Variants in GRID2 observed in about 807,000 individuals in gnomAD.
The protein encoded by GRID2 is glutamate receptor ionotropic, delta-2.
In GRID2, 33 loss-of-function variants were observed where a neutral mutation model predicts 114.8. The ratio of observed to expected loss-of-function variants is 0.29; its 90% CI spans 0.22 to 0.38. GRID2 has a LOEUF of 0.38. Among genes scored for constraint, GRID2 ranks in the 10% least tolerant of loss-of-function variants. GRID2 has a pLI of 1.00. For missense variants in GRID2, 1,184 were observed against 1,257.7 expected, an observed-to-expected ratio of 0.94 and a Z score of 0.89; for synonymous variants, 505 against 449.9, an observed-to-expected ratio of 1.12 and a Z score of -1.55.
chr4:93,772,846 A>G lies in GRID2; in HGVS notation c.*348A>G, dbSNP rs1442048786. ...AGTATATGCAGGATTAATTTTACATAAAGGCCTCTTCTGTAACATTTCTCT... is the reference window on the plus strand; with the variant it reads ...AGTATATGCAGGATTAATTTTACATGAAGGCCTCTTCTGTAACATTTCTCT... On this transcript the variant is annotated 3_prime_UTR_variant, in exon 16 of 16. Transcript: ENST00000282020. The G allele has an allele frequency of 9.8e-6, 2 of 204,502 alleles. No homozygotes were observed. The highest frequency in any genetic ancestry group is 4.6e-5 in the African/African-American group (2 of 43,438). The allele number at this position is 204,502 out of a possible 1,614,324, so 12.7% of individuals were successfully genotyped here.
chr4:92,656,688 T>A (rs2149265995), intron 2 of GRID2, among the ~76,000 whole-genome samples: 1 of 151,898 alleles, frequency 6.6e-6, no homozygotes, highest in African/African-American at 2.4e-5. Flanking sequence ...TGGAAGGCAA[T>A]TTCCTGTGAG....
At chr4:92,857,161 T>A (rs1487417612) in intron 2 of GRID2, among the ~76,000 whole-genome samples, 2 of 152,134 alleles carry the variant, frequency 1.3e-5, no homozygotes, top group African/African-American at 2.4e-5. Context: ...GCCTTCCTAT[T>A]TCTTGAGACA....
At chr4:93,071,041 A>G (rs1728763442) in intron 2 of GRID2, among the ~76,000 whole-genome samples, 1 of 152,114 alleles carries the variant, frequency 6.6e-6, no homozygotes, top group Non-Finnish European at 1.5e-5. Flanking sequence ...TAGTCTTATT[A>G]CAAAAGAATA....
intron 1 of GRID2, among the ~76,000 whole-genome samples, chr4:92,455,700 G>C (rs1579395894): frequency 6.6e-6 from 1 of 152,156 alleles, no homozygotes; most frequent in East Asian, 1.9e-4. Flanking sequence ...GTGGTGGGCA[G>C]TGAGGCACGA....
chr4:92,761,497 C>G (rs531954393), intron 2 of GRID2, among the ~76,000 whole-genome samples: 32 of 152,144 alleles, frequency 2.1e-4, no homozygotes, highest in African/African-American at 7.2e-4. Flanking sequence ...GTGGTTTAGC[C>G]CATGGCCTCA....
intron 2 of GRID2, among the ~76,000 whole-genome samples, chr4:92,598,613 A>C (rs1173338008): frequency 6.6e-6 from 1 of 152,050 alleles, no homozygotes; most frequent in African/African-American, 2.4e-5. Context: ...TCTATGTCTT[A>C]TTATCTGTGG....
At chr4:93,106,341 C>A (rs1347046460) in intron 3 of GRID2, among the ~76,000 whole-genome samples, 1 of 152,096 alleles carries the variant, frequency 6.6e-6, no homozygotes, top group Non-Finnish European at 1.5e-5. Flanking sequence ...CAAAGGCTTA[C>A]TCTCTTTTAT....
At chr4:92,437,241 G>GA (rs962945978) in intron 1 of GRID2, among the ~76,000 whole-genome samples, 2 of 151,778 alleles carry the variant, frequency 1.3e-5, no homozygotes, top group Admixed American at 1.3e-4. Context: ...CGAATGATTG[G>GA]AAAAAAAATG....
intron 1 of GRID2, among the ~76,000 whole-genome samples, chr4:93,785,280 A>T (rs993387108): frequency 3.3e-5 from 5 of 152,218 alleles, no homozygotes; most frequent in African/African-American, 1.2e-4. Context: ...TTTGCAATCT[A>T]CTGGGGAAGA....
chr4:92,697,706 GA>G (rs983847236), intron 2 of GRID2, among the ~76,000 whole-genome samples: 1 of 151,942 alleles, frequency 6.6e-6, no homozygotes, highest in Non-Finnish European at 1.5e-5. Context: ...CAAAAAAATA[GA>G]AAAAAAGACT....
intron 2 of GRID2, among the ~76,000 whole-genome samples, chr4:92,612,755 ACT>A (rs1404560246): frequency 6.6e-6 from 1 of 150,832 alleles, no homozygotes; most frequent in Non-Finnish European, 1.5e-5. Context: ...TAATGAATAA[ACT>A]CTATTTTTTG....
In GRID2 at chr4:93,325,208, G is replaced by C. The variant is rs7665264; in HGVS notation, c.1246-70399G>C. Among the ~76,000 whole-genome samples, 5 of 151,988 alleles carry C rather than the reference G, an allele frequency of 3.3e-5. No homozygotes were observed. The East Asian group carries it at 9.7e-4, about 29-fold the overall frequency. On this transcript the variant is annotated intron_variant, in intron 8 of 15. Coordinates refer to ENST00000282020, the MANE Select transcript of GRID2 (RefSeq NM_001510.4). ...AATTTCCTTCTACACACTGCTTTAAGTGTGTCCCAGAGATTCTGGTATGTT... is the reference window on the plus strand; with the variant it reads ...AATTTCCTTCTACACACTGCTTTAACTGTGTCCCAGAGATTCTGGTATGTT...
chr4:92,965,611 G>C (rs898940634), intron 2 of GRID2, among the ~76,000 whole-genome samples: 1 of 151,562 alleles, frequency 6.6e-6, no homozygotes, highest in Non-Finnish European at 1.5e-5. Flanking sequence ...TTCTATTATG[G>C]GTCTAAGAAG....
At chr4:93,793,000 A>G (rs1734725711) in intron 1 of GRID2, among the ~76,000 whole-genome samples, 1 of 152,224 alleles carries the variant, frequency 6.6e-6, no homozygotes, top group Non-Finnish European at 1.5e-5. Flanking sequence ...CAGTTTAGCC[A>G]TAGTCCTTTA....
intron 14 of GRID2, among the ~76,000 whole-genome samples, chr4:93,722,532 T>TC (rs1013387476): frequency 6.6e-6 from 1 of 152,024 alleles, no homozygotes; most frequent in African/African-American, 2.4e-5. Flanking sequence ...AATCTTTGTG[T>TC]CCCCCCAAAA....
intron 14 of GRID2, among the ~76,000 whole-genome samples, chr4:93,681,266 A>C (rs1401981478): frequency 6.6e-6 from 1 of 151,570 alleles, no homozygotes; most frequent in Admixed American, 6.6e-5. Context: ...CCACTGCTCA[A>C]GGAAATAAAA....
chr4:93,385,981 AT>A (rs1764277423), intron 8 of GRID2, among the ~76,000 whole-genome samples: 1 of 152,182 alleles, frequency 6.6e-6, no homozygotes, highest in Non-Finnish European at 1.5e-5. Flanking sequence ...TTAGATATAA[AT>A]TTTTGAGCTC....
intron 1 of GRID2, among the ~76,000 whole-genome samples, chr4:92,428,377 T>C (rs1378134542): frequency 6.6e-6 from 1 of 152,290 alleles, no homozygotes; most frequent in African/African-American, 2.4e-5. Context: ...TTAATTCTTA[T>C]TCTTTTGTTT....
intron 1 of GRID2, among the ~76,000 whole-genome samples, chr4:92,492,784 C>T (rs1223680073): frequency 1.3e-5 from 2 of 151,960 alleles, no homozygotes; most frequent in Non-Finnish European, 1.5e-5. Context: ...TTATCAAAAA[C>T]GTTTAAAAGG....
Sources: gnomAD v4.1 joint callset for allele counts (sites outside exome capture counted in the v4.1 genomes callset) on GRCh38, gnomAD v4.1.1 for gene constraint, MANE v1.5 for transcripts, NCBI Gene and HGNC (gene_info 2026-07-23, HGNC 2026-07-21) for gene names.